The following CHRM3 variants were observed in gnomAD, a reference collection of about 807,000 sequenced individuals.
CHRM3 encodes cholinergic receptor muscarinic 3, also known as muscarinic acetylcholine receptor M3.
A neutral mutation model predicts 41.8 loss-of-function variants in CHRM3; 11 were observed. That is an observed-to-expected ratio of 0.26 (90% confidence interval 0.17 to 0.44). CHRM3 has a LOEUF of 0.44. Ranked by LOEUF, CHRM3 falls within the 20% of genes least tolerant of loss-of-function variation. The pLI is 1.00. For missense variants in CHRM3, 571 were observed against 745.4 expected, an observed-to-expected ratio of 0.77 and a Z score of 2.72; for synonymous variants, 297 against 301.4, an observed-to-expected ratio of 0.99 and a Z score of 0.15.
In CHRM3 at chr1:239,703,085, G is replaced by A. The variant is rs539311153; in HGVS notation, c.-147+24797G>A. 7 of 152,260 alleles carry A rather than the reference G, an allele frequency of 4.6e-5. 1 individual carries two copies. In the East Asian group the frequency reaches 1.4e-3, roughly 29 times the overall value. 9.4% of individuals were successfully genotyped at this position (152,260 alleles called of 1,614,324 possible). ...CCCCAACTTTAGGCTTTATGGCAGTGGGCTTGATGTTCTAAAAAGAGAGGA... is the reference window on the plus strand; with the variant it reads ...CCCCAACTTTAGGCTTTATGGCAGTAGGCTTGATGTTCTAAAAAGAGAGGA... On this transcript the variant is annotated intron_variant, in intron 5 of 6. Coordinates refer to ENST00000676153, the MANE Select transcript of CHRM3 (RefSeq NM_001375978.1).
chr1:239,488,714 C>CAAAAAAAAAAAAAAAAAAAAAAAAAAAAA (rs763682628), intron 1 of CHRM3, among the ~76,000 whole-genome samples: 1 of 46,208 alleles, frequency 2.2e-5, no homozygotes, highest in African/African-American at 1.0e-4. Flanking sequence ...GACTCCTTCT[C>CAAAAAAAAAAAAAAAAAAAAAAAAAAAAA]AAAAAAAAAA....
At chr1:239,801,719 C>T (rs1227233779) in intron 5 of CHRM3, among the ~76,000 whole-genome samples, 2 of 152,062 alleles carry the variant, frequency 1.3e-5, no homozygotes, top group Non-Finnish European at 2.9e-5. Flanking sequence ...GTGTTTCATT[C>T]CTTACATAAA....
At chr1:239,654,857 G>C (rs568156205) in intron 4 of CHRM3, among the ~76,000 whole-genome samples, 3 of 152,272 alleles carry the variant, frequency 2.0e-5, no homozygotes, top group African/African-American at 4.8e-5. Context: ...AAGACCCCAA[G>C]CTGGATTTGC....
At chr1:239,880,402 C>G (rs1024324527) in intron 6 of CHRM3, among the ~76,000 whole-genome samples, 1 of 152,184 alleles carries the variant, frequency 6.6e-6, no homozygotes, top group African/African-American at 2.4e-5. Context: ...CGGCCATTAC[C>G]ATGATAACCT....
chr1:239,619,693 A>C lies in CHRM3; in HGVS notation c.-312-12531A>C, dbSNP rs188278766. ...AACTACAGGTACATTTTTCCCCTTTAAAATTGGTTTCTCGAACCCCCATAA... is the reference window on the plus strand; with the variant it reads ...AACTACAGGTACATTTTTCCCCTTTCAAATTGGTTTCTCGAACCCCCATAA... On this transcript the variant is annotated intron_variant, in intron 3 of 6. Coordinates refer to ENST00000676153, the MANE Select transcript of CHRM3 (RefSeq NM_001375978.1). 9.8e-4 allele frequency among the ~76,000 whole-genome samples: 149 copies of C among 152,256 alleles called. 1 individual carries two copies. Among genetic ancestry groups the C allele is most frequent in the African/African-American group, 3.4e-3 (143 of 41,564 alleles).
intron 3 of CHRM3, among the ~76,000 whole-genome samples, chr1:239,555,585 C>G (rs1393770234): frequency 1.3e-5 from 2 of 152,302 alleles, no homozygotes; most frequent in African/African-American, 4.8e-5. Context: ...GTTACTGCCT[C>G]TTTCCATGGC....
At chr1:239,883,203 G>A (rs1423453845) in intron 6 of CHRM3, among the ~76,000 whole-genome samples, 2 of 152,126 alleles carry the variant, frequency 1.3e-5, no homozygotes, top group African/African-American at 2.4e-5. Flanking sequence ...GATTTATCAA[G>A]AAACAACATC....
chr1:239,817,226 G>A (rs903763122), intron 5 of CHRM3, among the ~76,000 whole-genome samples: 4 of 152,142 alleles, frequency 2.6e-5, no homozygotes, highest in African/African-American at 9.7e-5. Context: ...GACCCTGAAG[G>A]CTCTGAGGCT....
At chr1:239,699,931 A>G (rs1660532926) in intron 5 of CHRM3, among the ~76,000 whole-genome samples, 1 of 152,208 alleles carries the variant, frequency 6.6e-6, no homozygotes, top group Non-Finnish European at 1.5e-5. Flanking sequence ...AATAGGGAAG[A>G]AAATTAGGTT....
At chr1:239,806,122 TTC>T (rs1178637488) in intron 5 of CHRM3, among the ~76,000 whole-genome samples, 2 of 152,188 alleles carry the variant, frequency 1.3e-5, no homozygotes, top group Admixed American at 6.5e-5. Context: ...CTGAGAGAAG[TTC>T]TGAGATGTCG....
intron 5 of CHRM3, among the ~76,000 whole-genome samples, chr1:239,728,096 A>G (rs1300460323): frequency 6.6e-6 from 1 of 151,954 alleles, no homozygotes; most frequent in Non-Finnish European, 1.5e-5. Flanking sequence ...TAGTTTACAT[A>G]ATCTATTCCT....
intron 5 of CHRM3, among the ~76,000 whole-genome samples, chr1:239,823,372 A>G (rs974470554): frequency 6.6e-6 from 1 of 152,110 alleles, no homozygotes; most frequent in African/African-American, 2.4e-5. Context: ...GCAGGATGGT[A>G]TCTAATGTGC....
intron 3 of CHRM3, among the ~76,000 whole-genome samples, chr1:239,559,310 T>C (rs1162288458): frequency 6.6e-6 from 1 of 152,190 alleles, no homozygotes; most frequent in Non-Finnish European, 1.5e-5. Flanking sequence ...ATTTGTCCAA[T>C]CTGAGAATCT....
chr1:239,745,653 AC>A (rs990255578), intron 5 of CHRM3, among the ~76,000 whole-genome samples: 15 of 151,776 alleles, frequency 9.9e-5, no homozygotes, highest in African/African-American at 3.6e-4. Context: ...ACCCGCCCCC[AC>A]CACCCTTTAG....
rs552772241 is a variant in CHRM3, at chr1:239,404,089, C to A, written c.-521+16862C>A. 3.0e-4 allele frequency among the ~76,000 whole-genome samples: 44 copies of A among 147,970 alleles called. 1 individual carries two copies. The highest frequency in any genetic ancestry group is 1.0e-3 in the African/African-American group (41 of 40,080). ...AGGTGGGCGAATCACGAGATCGAGA[C>A]CATCCTGGCTAACACAGTGAAACCC... On this transcript the variant is annotated intron_variant, in intron 1 of 6. Transcript: ENST00000676153.
chr1:239,650,918 T>C (rs922070789), intron 4 of CHRM3, among the ~76,000 whole-genome samples: 3 of 152,196 alleles, frequency 2.0e-5, no homozygotes, highest in African/African-American at 7.2e-5. Flanking sequence ...TAAATATGTG[T>C]AAATTTATGC....
At chr1:239,414,956 G>A (rs974785707) in intron 1 of CHRM3, among the ~76,000 whole-genome samples, 3 of 152,128 alleles carry the variant, frequency 2.0e-5, no homozygotes, top group African/African-American at 7.2e-5. Flanking sequence ...TTTAATGTAT[G>A]AGTTTCATAG....
In CHRM3 at chr1:239,911,613, G is replaced by A. The variant is rs1680372276; in HGVS notation, c.*2389G>A. 1 of 165,958 alleles carries A rather than the reference G, an allele frequency of 6.0e-6. No individual in the cohort carries two copies. Among genetic ancestry groups the A allele is most frequent in the African/African-American group, 2.4e-5 (1 of 41,170 alleles). 10.3% of individuals were successfully genotyped at this position (165,958 alleles called of 1,614,324 possible). On this transcript the variant is annotated 3_prime_UTR_variant, in exon 7 of 7. Transcript: ENST00000676153. ...AAACCCTGAAATTTAACAGAACTTT[G>A]AGAGTCACTTCCAATCTCCTTAAAC...
intron 4 of CHRM3, among the ~76,000 whole-genome samples, chr1:239,663,253 CTT>C (rs1363150395): frequency 6.6e-6 from 1 of 152,072 alleles, no homozygotes; most frequent in African/African-American, 2.4e-5. Context: ...ACTAGCAGAG[CTT>C]TAGCTTTTAC....
Sources: allele counts gnomAD v4.1 joint callset (sites outside exome capture counted in the v4.1 genomes callset), GRCh38; gene constraint gnomAD v4.1.1; transcripts MANE v1.5; gene names NCBI Gene and HGNC (gene_info 2026-07-23, HGNC 2026-07-21).